Variants in RNF150 observed in about 807,000 individuals in gnomAD.
RNF150 encodes ring finger protein 150.
In RNF150, 24 loss-of-function variants were observed where a neutral mutation model predicts 39.3. The ratio of observed to expected loss-of-function variants is 0.61; its 90% CI spans 0.44 to 0.86. The LOEUF (loss-of-function observed/expected upper bound fraction) is 0.86. Among genes scored for constraint, RNF150 ranks in the 40% least tolerant of loss-of-function variants. The pLI, the probability that RNF150 is intolerant of heterozygous loss-of-function variation, is 0.00. For missense variants in RNF150, 502 were observed against 587.8 expected (o/e 0.85, Z 1.51); for synonymous variants, 255 against 227.3 (o/e 1.12, Z -1.10).
intron 1 of RNF150, among the ~76,000 whole-genome samples, chr4:141,056,361 C>T (rs1353991393): frequency 6.6e-6 from 1 of 152,078 alleles, no homozygotes; most frequent in African/African-American, 2.4e-5. Flanking sequence ...CATAGTGAGA[C>T]TCCCATCTCT....
At chr4:140,941,273 C>T (rs1020176572) in intron 4 of RNF150, among the ~76,000 whole-genome samples, 8 of 152,104 alleles carry the variant, frequency 5.3e-5, no homozygotes, top group Admixed American at 3.3e-4. Context: ...CATGAATTAT[C>T]CTGGTGAGTT....
At chr4:140,908,847 G>C (rs1449921974) in intron 6 of RNF150, among the ~76,000 whole-genome samples, 1 of 152,070 alleles carries the variant, frequency 6.6e-6, no homozygotes, top group Non-Finnish European at 1.5e-5. Flanking sequence ...TAAGATCTAT[G>C]AAGTATGTAC....
chr4:141,104,558 ATG>A (rs1739134278), intron 1 of RNF150, among the ~76,000 whole-genome samples: 1 of 152,152 alleles, frequency 6.6e-6, no homozygotes, highest in South Asian at 2.1e-4. Flanking sequence ...GGTACATTCA[ATG>A]TTGTGCAAAA....
At chr4:140,939,879 T>A (rs1268986839) in intron 4 of RNF150, among the ~76,000 whole-genome samples, 4 of 152,212 alleles carry the variant, frequency 2.6e-5, no homozygotes, top group Non-Finnish European at 5.9e-5. Context: ...TCATCTGGTT[T>A]ACCCCTGAAT....
chr4:141,059,437 A>G (rs1305833688), intron 1 of RNF150, among the ~76,000 whole-genome samples: 1 of 152,172 alleles, frequency 6.6e-6, no homozygotes, highest in Non-Finnish European at 1.5e-5. Context: ...TTTCAACCAT[A>G]AAGTCATATA....
At chr4:141,120,163 A>C (rs1726564101) in intron 1 of RNF150, among the ~76,000 whole-genome samples, 1 of 152,230 alleles carries the variant, frequency 6.6e-6, no homozygotes, top group Non-Finnish European at 1.5e-5. Flanking sequence ...TGGGAGACAG[A>C]CAATAATGGA....
At chr4:141,053,710 TG>T in intron 1 of RNF150, 1 of 1,418,208 alleles carries the variant, frequency 7.1e-7, no homozygotes, top group South Asian at 1.6e-5. Context: ...CTTCAGGGGC[TG>T]GGCATGAGAA....
intron 6 of RNF150, among the ~76,000 whole-genome samples, chr4:140,880,665 G>T (rs192926885): frequency 0.014 from 2,070 of 148,756 alleles, 22 homozygotes; most frequent in Middle Eastern, 0.021. Context: ...TTGTTTGTTT[G>T]TTTGTTTTAA....
At chr4:141,057,163 G>T (rs1361206231) in intron 1 of RNF150, among the ~76,000 whole-genome samples, 1 of 151,996 alleles carries the variant, frequency 6.6e-6, no homozygotes, top group Non-Finnish European at 1.5e-5. Flanking sequence ...TTCTGAGATT[G>T]ATTTTGGGAT....
At chr4:141,205,880 G>T (rs966470765) in intron 1 of RNF150, among the ~76,000 whole-genome samples, 2 of 152,120 alleles carry the variant, frequency 1.3e-5, no homozygotes, top group African/African-American at 4.8e-5. Flanking sequence ...AAGGGAGGTT[G>T]TTCAATTAAA....
chr4:141,181,018 A>C (rs915864703), intron 1 of RNF150, among the ~76,000 whole-genome samples: 1 of 152,222 alleles, frequency 6.6e-6, no homozygotes, highest in Non-Finnish European at 1.5e-5. Context: ...ATAGATAGAA[A>C]GTCCCCAGCT....
chr4:141,039,128 C>G (rs552039634), intron 1 of RNF150, among the ~76,000 whole-genome samples: 1 of 152,190 alleles, frequency 6.6e-6, no homozygotes, highest in South Asian at 2.1e-4. Flanking sequence ...AGGCAGAGGT[C>G]TCAGGAAGAA....
rs558252076 is a variant in RNF150 at position 141,148,591 on chromosome 4, C to T, written c.-6+64203G>A. Among the ~76,000 whole-genome samples the T allele has an allele frequency of 3.0e-4, 45 of 152,192 alleles. No individual in the cohort carries two copies. The South Asian group carries it at 9.3e-3, about 32-fold the overall frequency. On this transcript the variant is annotated intron_variant, in intron 1 of 7. Coordinates refer to the RNF150 transcript ENST00000420921. ...AAGTAGCTGGGACTACAGGCATGCA[C>T]TACCATACCCGGCTACTTCTTTTGT...
chr4:141,116,433 C>T (rs1395031203), intron 1 of RNF150, among the ~76,000 whole-genome samples: 1 of 152,136 alleles, frequency 6.6e-6, no homozygotes, highest in Non-Finnish European at 1.5e-5. Context: ...ATCAAAACCA[C>T]GATGAGATAC....
At chr4:141,095,528 G>A (rs1410305675) in intron 1 of RNF150, among the ~76,000 whole-genome samples, 2 of 152,144 alleles carry the variant, frequency 1.3e-5, no homozygotes, top group African/African-American at 4.8e-5. Context: ...CAAAATGATT[G>A]AATCTCAAAA....
chr4:140,898,400 A>G (rs1205445831), intron 6 of RNF150, among the ~76,000 whole-genome samples: 1 of 152,134 alleles, frequency 6.6e-6, no homozygotes, highest in Non-Finnish European at 1.5e-5. Flanking sequence ...GACATGGCTA[A>G]CTACTATTAC....
intron 1 of RNF150, among the ~76,000 whole-genome samples, chr4:141,032,283 A>C (rs919206388): frequency 3.9e-5 from 6 of 152,142 alleles, no homozygotes; most frequent in Admixed American, 3.3e-4. Context: ...AGACTAGGGA[A>C]CTTGAGGGAA....
chr4:141,015,913 G>A (rs1208580904), intron 1 of RNF150, among the ~76,000 whole-genome samples: 8 of 151,900 alleles, frequency 5.3e-5, no homozygotes, highest in Non-Finnish European at 1.2e-4. Flanking sequence ...TTTTGCCTGC[G>A]GATCATTGCT....
intron 1 of RNF150, among the ~76,000 whole-genome samples, chr4:141,012,037 T>C (rs2110750756): frequency 6.6e-6 from 1 of 152,388 alleles, no homozygotes; most frequent in South Asian, 2.1e-4. Flanking sequence ...TCATTCTTTT[T>C]TGAGTACAGC....
Sources: allele counts gnomAD v4.1 joint callset (sites outside exome capture counted in the v4.1 genomes callset), GRCh38; gene constraint gnomAD v4.1.1; transcripts MANE v1.5; gene names NCBI Gene and HGNC (gene_info 2026-07-23, HGNC 2026-07-21).